The following PGCKA1 variants were observed in gnomAD, a reference collection of about 807,000 sequenced individuals.
The protein encoded by PGCKA1 is PDCD10 and GCKIII kinases-associated protein 1.
chr4:37,521,739 A>G, the PGCKA1 span, among the ~76,000 whole-genome samples: 1 of 152,128 alleles, frequency 6.6e-6, no homozygotes, highest in Admixed American at 6.5e-5. Flanking sequence ...ATATTTCTTT[A>G]TTGATTTTCT....
chr4:37,524,534 C>A, the PGCKA1 span, among the ~76,000 whole-genome samples: 1 of 152,204 alleles, frequency 6.6e-6, no homozygotes, highest in Non-Finnish European at 1.5e-5. Context: ...CAATGCCTTT[C>A]CTAACCTGCC....
chr4:37,513,196 C>T, the PGCKA1 span, among the ~76,000 whole-genome samples: 14 of 152,082 alleles, frequency 9.2e-5, no homozygotes, highest in Admixed American at 4.6e-4. Flanking sequence ...TATTATTAGC[C>T]GGTCAGTGCT....
At chr4:37,573,565 AC>A in the PGCKA1 span, among the ~76,000 whole-genome samples, 1 of 152,282 alleles carries the variant, frequency 6.6e-6, no homozygotes, top group Admixed American at 6.5e-5. Context: ...ATTATATTAT[AC>A]AAGTCATTTT....
At chr4:37,553,496 C>G in the PGCKA1 span, among the ~76,000 whole-genome samples, 1 of 152,076 alleles carries the variant, frequency 6.6e-6, no homozygotes, top group African/African-American at 2.4e-5. Flanking sequence ...TAATATATTG[C>G]TGAAATAAAC....
the PGCKA1 span, among the ~76,000 whole-genome samples, chr4:37,518,641 G>T: frequency 7.0e-3 from 1,072 of 152,244 alleles, 14 homozygotes; most frequent in African/African-American, 0.023. Flanking sequence ...CTATAGAGTT[G>T]TTTGAGGTCC....
chr4:37,510,543 C>A, the PGCKA1 span, among the ~76,000 whole-genome samples: 1 of 152,122 alleles, frequency 6.6e-6, no homozygotes, highest in Non-Finnish European at 1.5e-5. Context: ...CTCTCCCCTA[C>A]TTTCTCCCAA....
chr4:37,481,644 A>G, the PGCKA1 span, among the ~76,000 whole-genome samples: 3 of 152,062 alleles, frequency 2.0e-5, no homozygotes, highest in Non-Finnish European at 2.9e-5. Context: ...TCCTCTTTTT[A>G]TAAAGACATC....
chr4:37,483,139 T>G, the PGCKA1 span, among the ~76,000 whole-genome samples: 2 of 152,080 alleles, frequency 1.3e-5, no homozygotes, highest in South Asian at 4.1e-4. Flanking sequence ...GATCTGTTGG[T>G]TTTATAAAGG....
the PGCKA1 span, among the ~76,000 whole-genome samples, chr4:37,564,868 A>G: frequency 1.3e-5 from 2 of 152,122 alleles, no homozygotes; most frequent in African/African-American, 4.8e-5. Context: ...TGTTAGAAAC[A>G]CAGGCTGTCA....
At chr4:37,502,919 G>A in the PGCKA1 span, among the ~76,000 whole-genome samples, 1 of 152,074 alleles carries the variant, frequency 6.6e-6, no homozygotes, top group African/African-American at 2.4e-5. Flanking sequence ...GGATTGCTGA[G>A]GTCGGACTGG....
the PGCKA1 span, among the ~76,000 whole-genome samples, chr4:37,530,373 A>T: frequency 6.6e-6 from 1 of 152,050 alleles, no homozygotes; most frequent in Non-Finnish European, 1.5e-5. Context: ...GGAGTTCGTG[A>T]CCAGCCTGGC....
the PGCKA1 span, among the ~76,000 whole-genome samples, chr4:37,473,537 A>G: frequency 1.3e-5 from 2 of 152,254 alleles, no homozygotes; most frequent in Non-Finnish European, 2.9e-5. Context: ...TGTTAAATAG[A>G]ATATAAGATT....
the PGCKA1 span, among the ~76,000 whole-genome samples, chr4:37,486,251 T>TC: frequency 1.3e-5 from 2 of 152,134 alleles, no homozygotes; most frequent in African/African-American, 4.8e-5. Context: ...GATTTTTTTT[T>TC]CCCTGATCTC....
chr4:37,541,722 G>A, the PGCKA1 span, among the ~76,000 whole-genome samples: 2 of 152,164 alleles, frequency 1.3e-5, no homozygotes, highest in African/African-American at 2.4e-5. Flanking sequence ...TAGTGGAGCC[G>A]ATTCAAATTC....
At chr4:37,507,592 A>G in the PGCKA1 span, among the ~76,000 whole-genome samples, 4 of 151,946 alleles carry the variant, frequency 2.6e-5, no homozygotes, top group Non-Finnish European at 5.9e-5. Context: ...CCACTTTTTA[A>G]CTTTTCATTT....
At chr4:37,480,998 A>G in the PGCKA1 span, among the ~76,000 whole-genome samples, 16 of 152,228 alleles carry the variant, frequency 1.1e-4, no homozygotes, top group Non-Finnish European at 2.4e-4. Flanking sequence ...GCACGTCAGC[A>G]CATTAAAGGC....
At chr4:37,572,073 T>TTTTTTTTTTTTTTTTTC in the PGCKA1 span, among the ~76,000 whole-genome samples, 1 of 134,684 alleles carries the variant, frequency 7.4e-6, no homozygotes, top group Non-Finnish European at 1.6e-5. Context: ...CTTTTTTTTT[T>TTTTTTTTTTTTTTTTTC]TTTTTTTGAG....
At chr4:37,473,841 C>A in the PGCKA1 span, among the ~76,000 whole-genome samples, 1 of 152,164 alleles carries the variant, frequency 6.6e-6, no homozygotes, top group Admixed American at 6.5e-5. Flanking sequence ...GCCCTGCCCC[C>A]CTACACAGCT....
At chr4:37,574,069 T>C in the PGCKA1 span, among the ~76,000 whole-genome samples, 6,846 of 151,916 alleles carry the variant, frequency 0.045, 397 homozygotes, top group African/African-American at 0.14. Flanking sequence ...GTGCCTGTAA[T>C]CCCAGCTACT....
Sources: allele counts gnomAD v4.1 joint callset (sites outside exome capture counted in the v4.1 genomes callset), GRCh38; gene constraint gnomAD v4.1.1; transcripts MANE v1.5; gene names NCBI Gene and HGNC (gene_info 2026-07-23, HGNC 2026-07-21).